GPHN: variants seen among roughly 807,000 people sequenced by gnomAD.
GPHN encodes gephyrin.
A neutral mutation model predicts 95.5 loss-of-function variants in GPHN; 17 were observed. The observed-to-expected ratio is 0.18, with a 90% confidence interval of 0.12 to 0.27. The LOEUF is 0.27. GPHN is among the 10% of genes least tolerant of loss of function. The pLI is 1.00. For synonymous variants in GPHN, 320 were observed against 322.5 expected (o/e 0.99, Z 0.08); for missense variants, 660 against 978.1 (o/e 0.67, Z 4.34).
the GPHN span, among the ~76,000 whole-genome samples, chr14:67,536,499 A>G: frequency 6.6e-6 from 1 of 151,806 alleles, no homozygotes; most frequent in Non-Finnish European, 1.5e-5. Context: ...GAAACTGTGC[A>G]TATAACAGAA....
intron 10 of GPHN, among the ~76,000 whole-genome samples, chr14:67,050,215 TTATAC>T (rs2075244805): frequency 6.6e-6 from 1 of 152,222 alleles, no homozygotes; most frequent in Non-Finnish European, 1.5e-5. Context: ...AATAAAATGT[TTATAC>T]TATAGGTCTA....
At chr14:66,769,700 T>A (rs1181357373) in intron 2 of GPHN, among the ~76,000 whole-genome samples, 7 of 152,096 alleles carry the variant, frequency 4.6e-5, no homozygotes, top group Non-Finnish European at 1.0e-4. Context: ...TGTATATGTA[T>A]ATGTACATTT....
At chr14:66,658,198 CG>C (rs1181870392) in intron 1 of GPHN, among the ~76,000 whole-genome samples, 2 of 152,008 alleles carry the variant, frequency 1.3e-5, no homozygotes, top group South Asian at 2.1e-4. Flanking sequence ...GAAGGAGAGC[CG>C]GAAGATGTGA....
At chr14:67,119,217 A>C (rs979874374) in intron 16 of GPHN, among the ~76,000 whole-genome samples, 2 of 152,248 alleles carry the variant, frequency 1.3e-5, no homozygotes, top group Non-Finnish European at 2.9e-5. Flanking sequence ...ATTTCAAGTT[A>C]CATGTCCTGG....
chr14:67,317,983 G>A, the GPHN span, among the ~76,000 whole-genome samples: 1 of 152,194 alleles, frequency 6.6e-6, no homozygotes, highest in Admixed American at 6.5e-5. Context: ...CAGTCTGCTG[G>A]ACCTGAGTGA....
chr14:67,376,435 C>T, the GPHN span: 1 of 1,577,566 alleles, frequency 6.3e-7, no homozygotes, highest in Non-Finnish European at 8.6e-7. Flanking sequence ...CATTTTATTT[C>T]TAGGTTTATA....
chr14:66,681,296 T>C, intron 2 of GPHN, 111 bp downstream of exon 2: 1 of 721,992 alleles, frequency 1.4e-6, no homozygotes, highest in Non-Finnish European at 2.4e-6. Context: ...AATTTTTTCT[T>C]TTCTAATAAT....
the GPHN span, chr14:67,569,897 C>G: frequency 6.6e-7 from 1 of 1,505,846 alleles, no homozygotes; most frequent in Non-Finnish European, 9.2e-7. Context: ...CTTGAGTAAT[C>G]TCATTCCTCT....
chr14:67,030,493 G>C (rs1303898954), intron 10 of GPHN, among the ~76,000 whole-genome samples: 2 of 152,064 alleles, frequency 1.3e-5, no homozygotes, highest in South Asian at 4.1e-4. Flanking sequence ...GTTTTACCTG[G>C]AATTCAGTGC....
At chr14:66,524,307 T>G (rs1395631013) in intron 1 of GPHN, among the ~76,000 whole-genome samples, 1 of 152,090 alleles carries the variant, frequency 6.6e-6, no homozygotes, top group Non-Finnish European at 1.5e-5. Context: ...AACTTTAAAT[T>G]AGTAGATGAG....
intron 18 of GPHN, among the ~76,000 whole-genome samples, chr14:67,144,249 AAATATATATATAT>A (rs1296861564): frequency 7.3e-5 from 5 of 68,932 alleles, no homozygotes; most frequent in Non-Finnish European, 1.3e-4. Flanking sequence ...AAAAAAAAAA[AAATATATATATAT>A]ATATATATAT....
chr14:67,058,777 A>C lies in GPHN; in HGVS notation c.1135A>C (p.Asn379His). ...MTPVLGTEII[N>H]YRDGMGRVLA... ...TCCGGTGCTTGGGACAGAAATCATC[A>C]ATTACCGAGGTACTATTATATTTGA... Residue 379 changes from asparagine (N) to histidine (H), a missense_variant, in exon 11 of 23, where the codon AAT becomes CAT. Around this residue, in one of 6 missense-constraint regions of GPHN, gnomAD observed 257 missense variants for 376.2 expected, o/e 0.68. Transcript: ENST00000478722. 6.2e-7 allele frequency: 1 copy of C among 1,613,564 alleles called. No individual in the cohort carries two copies. Among genetic ancestry groups the C allele is most frequent in the Non-Finnish European group, 8.5e-7 (1 of 1,179,566 alleles).
intron 1 of GPHN, among the ~76,000 whole-genome samples, chr14:66,585,849 G>A (rs1043879498): frequency 3.0e-4 from 46 of 152,258 alleles, no homozygotes; most frequent in African/African-American, 9.6e-4. Context: ...GTGGTGCTGA[G>A]AAGAATATAT....
At chr14:67,178,800 A>T (rs1393555105) in intron 21 of GPHN, among the ~76,000 whole-genome samples, 2 of 152,214 alleles carry the variant, frequency 1.3e-5, no homozygotes, top group African/African-American at 4.8e-5. Flanking sequence ...AAGACAAAGA[A>T]TTATAATAAC....
At chr14:66,861,421 C>T (rs1212944149) in intron 4 of GPHN, among the ~76,000 whole-genome samples, 2 of 152,014 alleles carry the variant, frequency 1.3e-5, no homozygotes, top group African/African-American at 4.8e-5. Context: ...ACCCTACTTT[C>T]AGCATTAGGC....
At chr14:66,737,002 TAAA>T (rs1352462286) in intron 2 of GPHN, among the ~76,000 whole-genome samples, 2 of 152,230 alleles carry the variant, frequency 1.3e-5, no homozygotes, top group African/African-American at 2.4e-5. Flanking sequence ...TCTCCAGTCC[TAAA>T]ATTATTATAT....
the GPHN span, among the ~76,000 whole-genome samples, chr14:67,187,071 T>C: frequency 1.3e-5 from 2 of 152,046 alleles, no homozygotes. Flanking sequence ...TGAAATATAG[T>C]TGGAAAGAAC....
chr14:66,712,238 C>T (rs2069712803), intron 2 of GPHN, among the ~76,000 whole-genome samples: 1 of 152,212 alleles, frequency 6.6e-6, no homozygotes, highest in South Asian at 2.1e-4. Flanking sequence ...TTCTCCACAT[C>T]TTCTCCAGCA....
rs151188883 is a variant in GPHN at position 66,769,291 on chromosome 14, G to A, written c.144-7173G>A. 3.9e-5 allele frequency among the ~76,000 whole-genome samples: 6 copies of A among 152,078 alleles called. No individual in the cohort carries two copies. In the East Asian group the frequency reaches 1.2e-3, roughly 29 times the overall value. On this transcript the variant is annotated intron_variant, in intron 2 of 22. Transcript: ENST00000478722. The stretch of plus-strand genomic sequence containing the variant: ...TTAAAAAGTATTTTTAAATATTTGA[G>A]CCTATGTAGAGTTTTTAAAAATTAT...
Sources: allele counts gnomAD v4.1 joint callset (sites outside exome capture counted in the v4.1 genomes callset), GRCh38; gene constraint gnomAD v4.1.1; regional missense constraint gnomAD v4.1.1; transcripts MANE v1.5; gene names NCBI Gene and HGNC (gene_info 2026-07-23, HGNC 2026-07-21).